Variants in CHD1 observed in about 807,000 individuals in gnomAD.
CHD1 encodes the protein ATP-dependent chromatin remodeler CHD1.
A neutral mutation model predicts 224.2 loss-of-function variants in CHD1; 36 were observed. That is an observed-to-expected ratio of 0.16 (90% CI 0.12 to 0.21). The LOEUF (loss-of-function observed/expected upper bound fraction) is 0.21. CHD1 is among the 10% of genes least tolerant of loss of function. CHD1 has a pLI of 1.00. For synonymous variants in CHD1, 668 were observed against 658.3 expected, an observed-to-expected ratio of 1.01 and a Z score of -0.23; for missense variants, 1,378 against 1,994.8, an observed-to-expected ratio of 0.69 and a Z score of 5.89.
chr5:98,903,356 TGC>T (rs1751846497), intron 4 of CHD1, among the ~76,000 whole-genome samples: 1 of 152,072 alleles, frequency 6.6e-6, no homozygotes, highest in Non-Finnish European at 1.5e-5. Context: ...CATGTATGCA[TGC>T]TTGCACACAC....
intron 28 of CHD1, among the ~76,000 whole-genome samples, chr5:98,871,684 C>A (rs547922035): frequency 7.2e-5 from 11 of 152,132 alleles, no homozygotes; most frequent in African/African-American, 2.4e-4. Context: ...GTTCCAGTTA[C>A]CCTGATTGCA....
Position 98,893,438 on chromosome 5 carries a change from G to T in CHD1, c.1969C>A (p.Leu657Ile). The change falls in exon 14 of 36, where the codon CTA becomes ATA. Residue 657 changes from leucine to isoleucine, a missense_variant. By Grantham distance (5) the Leu-to-Ile change is conservative (BLOSUM62 2). Transcript: ENST00000614616. ...QNSLKELWSL[L>I]HFIMPEKFSS... ...TACTTTTCTGGCATAATGAAATGTA[G>T]CAAAGACCAGAGCTCTTTGAGGGAA... The T allele has an allele frequency of 6.3e-7, 1 of 1,597,796 alleles. No individual in the cohort carries two copies. The highest frequency in any genetic ancestry group is 1.1e-5 in the South Asian group (1 of 87,826).
In CHD1 at chr5:98,898,363, C is replaced by T; in HGVS notation, c.1258G>A (p.Glu420Lys). The change falls in exon 10 of 36, where the codon GAG becomes AAG. Residue 420 changes from glutamate to lysine, a missense_variant. Physicochemically the swap from Glu to Lys is moderately conservative, Grantham distance 56. Coordinates refer to ENST00000614616, the MANE Select transcript of CHD1 (RefSeq NM_001270.4). ...AGAGCTCCATCTTCCCAGCTGCACT[C>T]TGAGTATGGAAGGCCCTGCCATTTG... ...YCKWQGLPYS[E>K]CSWEDGALIS... 1 of 1,602,322 alleles carries T rather than the reference C, an allele frequency of 6.2e-7. No homozygotes were observed. The highest frequency in any genetic ancestry group is 8.5e-7 in the Non-Finnish European group (1 of 1,174,900).
intron 2 of CHD1, among the ~76,000 whole-genome samples, chr5:98,918,317 C>T (rs1752876140): frequency 1.3e-5 from 2 of 151,422 alleles, no homozygotes; most frequent in African/African-American, 4.9e-5. Flanking sequence ...ACTCGGCCTC[C>T]CAAAAGTGCT....
chr5:98,863,344 C>CAA (rs35183210), intron 32 of CHD1, 64 bp downstream of exon 32: 391 of 794,946 alleles, frequency 4.9e-4, no homozygotes, highest in South Asian at 1.3e-3. Context: ...GGAAAGAAAA[C>CAA]AAAAAAAAAA....
At chr5:98,912,730 C>T (rs143694462) in intron 2 of CHD1, among the ~76,000 whole-genome samples, 5 of 152,186 alleles carry the variant, frequency 3.3e-5, no homozygotes, top group Non-Finnish European at 7.4e-5. Context: ...AAAGTCACCT[C>T]GGCAAGTGCT....
intron 7 of CHD1, 54 bp from the exon 8 acceptor site, chr5:98,899,759 T>C: frequency 1.6e-6 from 2 of 1,275,934 alleles, no homozygotes; most frequent in Non-Finnish European, 2.2e-6. Flanking sequence ...TGTAGGATTA[T>C]ATTTCAACTC....
intron 30 of CHD1, chr5:98,869,441 CA>C (rs950962680): frequency 1.4e-5 from 4 of 279,772 alleles, no homozygotes; most frequent in African/African-American, 2.3e-5. Context: ...TAAAGTAAGC[CA>C]GTCCCATTCA....
At chr5:98,864,517 CAAAAAAAAAAAAAAAA>C (rs67061692) in intron 31 of CHD1, among the ~76,000 whole-genome samples, 22 of 58,136 alleles carry the variant, frequency 3.8e-4, no homozygotes, top group Admixed American at 2.2e-3. Context: ...GATTCTATAC[CAAAAAAAAAAAAAAAA>C]AAAAAAAAAA....
At chr5:98,886,242 G>A (rs1028005119) in intron 17 of CHD1, 4 of 152,164 alleles carry the variant, frequency 2.6e-5, no homozygotes, top group Non-Finnish European at 4.4e-5. Context: ...AAGCATCATG[G>A]GTTCTAGTCA....
chr5:98,883,850 TATATATATATA>T (rs1208577486), intron 18 of CHD1: 512 of 34,314 alleles, frequency 0.015, 4 homozygotes, highest in African/African-American at 0.059. Context: ...TATATATATA[TATATATATATA>T]TTTTTTTTTT....
intron 2 of CHD1, among the ~76,000 whole-genome samples, chr5:98,919,973 C>G (rs942212921): frequency 6.6e-6 from 1 of 152,180 alleles, no homozygotes; most frequent in Middle Eastern, 3.4e-3. Flanking sequence ...AAAAGTAAGG[C>G]AGTGTGTAAA....
At chr5:98,861,323 A>G (rs1748451185) in intron 32 of CHD1, among the ~76,000 whole-genome samples, 1 of 152,250 alleles carries the variant, frequency 6.6e-6, no homozygotes, top group Admixed American at 6.5e-5. Context: ...ATAAGACAAA[A>G]TACAAATATA....
At chr5:98,905,935 G>A (rs1051868628) in intron 2 of CHD1, among the ~76,000 whole-genome samples, 1 of 152,098 alleles carries the variant, frequency 6.6e-6, no homozygotes, top group South Asian at 2.1e-4. Flanking sequence ...TGGTACATAT[G>A]GTTGACTCCG....
At position 98,897,252 on chromosome 5, in the gene CHD1, G is replaced by A. The variant is rs149178683; in HGVS notation, c.1434C>T (p.Gly478=). The change falls in exon 11 of 36, where the codon GGC becomes GGT. Residue 478 remains glycine (G), a synonymous_variant. Coordinates refer to ENST00000614616, the MANE Select transcript of CHD1 (RefSeq NM_001270.4). The stretch of plus-strand genomic sequence containing the variant: ...TCAGTTGATAATCTCTTAATTCTAA[G>A]CCCTCATGTCCTCCAATATAGGATG... The part of the protein sequence containing the change: ...KQPSYIGGHE[G]LELRDYQLNG... 1.2e-4 allele frequency: 190 copies of A among 1,612,514 alleles called. No individual in the cohort carries two copies. The highest frequency in any genetic ancestry group is 1.3e-4 in the Non-Finnish European group (149 of 1,178,882).
intron 18 of CHD1, chr5:98,883,858 TATA>T (rs1384064811): frequency 0.029 from 906 of 30,890 alleles, 9 homozygotes; most frequent in Non-Finnish European, 0.039. Flanking sequence ...TATATATATA[TATA>T]TTTTTTTTTT....
At chr5:98,869,729 T>A (rs372323901) in intron 30 of CHD1, 25 bp downstream of exon 30, 1 of 1,609,216 alleles carries the variant, frequency 6.2e-7, no homozygotes, top group Non-Finnish European at 8.5e-7. Context: ...ATAGAAAAGG[T>A]TGTTGTTCTA....
chr5:98,867,414 C>T (rs2112480749), intron 31 of CHD1, among the ~76,000 whole-genome samples: 1 of 152,204 alleles, frequency 6.6e-6, no homozygotes, highest in South Asian at 2.1e-4. Context: ...AAACATTAGG[C>T]TCATATTTTG....
rs77918687 is a variant in CHD1 at position 98,855,138 on chromosome 5, C to T, written c.*1242G>A. 1,443 of 152,356 alleles carry T rather than the reference C, an allele frequency of 9.5e-3. 16 individuals are homozygous for T. The highest frequency in any genetic ancestry group is 0.026 in the South Asian group (125 of 4,818). The allele number at this position is 152,356 out of a possible 1,614,324, so 9.4% of individuals were successfully genotyped here. On this transcript the variant is annotated 3_prime_UTR_variant, in exon 36 of 36. Coordinates refer to ENST00000614616, the MANE Select transcript of CHD1 (RefSeq NM_001270.4). ...GTTACTTAAAAACGGGGGTAGGGGG[C>T]GGTGGTGGTGGTGGTAAGTGCTTGA...
Sources: allele counts gnomAD v4.1 joint callset (sites outside exome capture counted in the v4.1 genomes callset), GRCh38; gene constraint gnomAD v4.1.1; transcripts MANE v1.5; gene names NCBI Gene and HGNC (gene_info 2026-07-23, HGNC 2026-07-21).